Variants in NBPF14 observed in about 807,000 individuals in gnomAD.
The protein encoded by NBPF14 is NBPF family member NBPF14.
A neutral mutation model predicts 91.2 loss-of-function variants in NBPF14; 104 were observed. The observed-to-expected ratio is 1.14, with a 90% CI of 0.97 to 1.34. The LOEUF (loss-of-function observed/expected upper bound fraction) is 1.34. Among genes scored for constraint, NBPF14 ranks in the 40% most tolerant of loss-of-function variants. NBPF14 has a pLI of 0.00. For missense variants in NBPF14, 908 were observed against 783.0 expected, an observed-to-expected ratio of 1.16 and a Z score of -1.91; for synonymous variants, 294 against 303.8, an observed-to-expected ratio of 0.97 and a Z score of 0.34.
exon 17 of NBPF14, chr1:148,575,787 C>T (rs1659582011): frequency 1.7e-5 from 5 of 302,816 alleles, no homozygotes; most frequent in African/African-American, 1.9e-4. Flanking sequence ...CAGGCTCTTT[C>T]TCATCCAGCA....
At chr1:148,559,658 T>A in intron 37 of NBPF14, 135 bp downstream of exon 37, 1 of 602,650 alleles carries the variant, frequency 1.7e-6, no homozygotes, top group Non-Finnish European at 2.8e-6. Context: ...AGAGTTTCAT[T>A]CAACCTACAT....
At chr1:148,580,948 C>T (rs1660819111) in intron 12 of NBPF14, among the ~76,000 whole-genome samples, 1 of 98,604 alleles carries the variant, frequency 1.0e-5, no homozygotes, top group African/African-American at 4.3e-5. Context: ...CATTGGTGTG[C>T]TTCACCCATT....
At chr1:148,561,782 C>CAT (rs1241797523) in intron 34 of NBPF14, among the ~76,000 whole-genome samples, 5 of 119,658 alleles carry the variant, frequency 4.2e-5, no homozygotes, top group Admixed American at 3.9e-4. Context: ...GATAGACACA[C>CAT]ACACACACAC....
At position 148,566,549 on chromosome 1, in the gene NBPF14, A is replaced by G. The variant is rs1290758071; in HGVS notation, c.3543-234T>C. On this transcript the variant is annotated intron_variant, in intron 28 of 70. Transcript: ENST00000619423. The stretch of plus-strand genomic sequence containing the variant: ...CACACACACACACACACAAACACAC[A>G]CACACACACAGAGAACGAGCTCAGT... Among the ~76,000 whole-genome samples the G allele has an allele frequency of 1.4e-5, 2 of 144,000 alleles. 1 individual carries two copies. Among genetic ancestry groups the G allele is most frequent in the African/African-American group, 5.0e-5 (2 of 40,030 alleles). The allele number at this position is 144,000 out of a possible 152,430, so 94.5% of individuals were successfully genotyped here.
At chr1:148,577,530 G>T (rs1269535820) in intron 14 of NBPF14, among the ~76,000 whole-genome samples, 175 bp from the exon 15 acceptor site, 1 of 143,842 alleles carries the variant, frequency 7.0e-6, no homozygotes. Context: ...GGTAGAAAAG[G>T]ATGAACGAGA....
chr1:148,557,055 G>A (rs1284187352), intron 40 of NBPF14, among the ~76,000 whole-genome samples, 193 bp from the exon 41 acceptor site: 1 of 121,220 alleles, frequency 8.2e-6, no homozygotes. Flanking sequence ...GAGAAAGACA[G>A]ATAGACACAC....
At chr1:148,587,463 G>C in intron 7 of NBPF14, 60 bp from the exon 8 acceptor site, 1 of 1,496,672 alleles carries the variant, frequency 6.7e-7, no homozygotes, top group East Asian at 2.2e-5. Flanking sequence ...TGTGGTCATT[G>C]CCTACAGGAC....
At chr1:148,536,586 C>CAGACAGAGACAGAGACAG (rs1461659646) in intron 66 of NBPF14, among the ~76,000 whole-genome samples, 190 bp from the exon 67 acceptor site, 1 of 67,592 alleles carries the variant, frequency 1.5e-5, no homozygotes, top group Non-Finnish European at 2.7e-5. Flanking sequence ...AAGAGAAAGA[C>CAGACAGAGACAGAGACAG]AGACAGAGAC....
At chr1:148,561,900 C>G (rs1429492873) in intron 34 of NBPF14, among the ~76,000 whole-genome samples, 14 of 129,624 alleles carry the variant, frequency 1.1e-4, no homozygotes, top group Admixed American at 8.0e-4. Context: ...TAACAGGACA[C>G]TCTGAGTTAG....
At chr1:148,534,642 A>G (rs1245744167) in intron 69 of NBPF14, 42 bp downstream of exon 69, 3 of 874,398 alleles carry the variant, frequency 3.4e-6, no homozygotes, top group Non-Finnish European at 3.9e-6. Flanking sequence ...CCTATCTGGA[A>G]GACCAGGTGG....
At chr1:148,577,012 C>T (rs1346900616) in intron 15 of NBPF14, among the ~76,000 whole-genome samples, 171 bp downstream of exon 15, 4 of 145,978 alleles carry the variant, frequency 2.7e-5, no homozygotes, top group African/African-American at 1.0e-4. Flanking sequence ...CTGACCCATC[C>T]CTTGTCTGGG....
intron 6 of NBPF14, among the ~76,000 whole-genome samples, chr1:148,590,256 A>G (rs1662264003): frequency 7.6e-6 from 1 of 132,442 alleles, no homozygotes. Flanking sequence ...ATGGGGTTTC[A>G]CCGTGTTAGC....
chr1:148,534,955 G>T lies in NBPF14; in HGVS notation c.8442-99C>A, dbSNP rs1393895610. Reference sequence around the variant, plus strand: ...GCTAACATAAGGAACAGTTTAAAAAGAAAAAGGACAGATCCATTAATGAGG... The same window carrying T: ...GCTAACATAAGGAACAGTTTAAAAATAAAAAGGACAGATCCATTAATGAGG... On this transcript the variant is annotated intron_variant, in intron 68 of 70. Transcript: ENST00000619423. The T allele has an allele frequency of 6.7e-6, 5 of 744,294 alleles. No homozygotes were observed. In the South Asian group the frequency reaches 7.1e-5, roughly 11 times the overall value. 46.1% of individuals were successfully genotyped at this position (744,294 alleles called of 1,614,324 possible).
At chr1:148,534,624 A>G (rs1330637321) in intron 69 of NBPF14, 60 bp downstream of exon 69, 1 of 903,128 alleles carries the variant, frequency 1.1e-6, no homozygotes, top group Non-Finnish European at 1.9e-6. Flanking sequence ...TGGAATAGGA[A>G]TATCACCCCT....
intron 16 of NBPF14, among the ~76,000 whole-genome samples, 199 bp from the exon 17 acceptor site, chr1:148,576,010 G>GAA (rs1659636213): frequency 6.8e-6 from 1 of 146,542 alleles, no homozygotes; most frequent in Admixed American, 6.8e-5. Flanking sequence ...ACAGGGAGAG[G>GAA]GAGAGAGAGA....
intron 31 of NBPF14, among the ~76,000 whole-genome samples, 165 bp downstream of exon 31, chr1:148,564,374 C>T (rs1658095033): frequency 1.4e-5 from 1 of 74,050 alleles, no homozygotes; most frequent in African/African-American, 6.7e-5. Context: ...CATCCCTTGT[C>T]TGGGCTTCCA....
chr1:148,560,092 A>G, intron 36 of NBPF14, 127 bp from the exon 37 acceptor site: 1 of 672,972 alleles, frequency 1.5e-6, no homozygotes, highest in Non-Finnish European at 2.7e-6. Context: ...TAATGAGGTA[A>G]CAAATTATTG....
chr1:148,577,632 G>T (rs1167159101), intron 14 of NBPF14, among the ~76,000 whole-genome samples: 1 of 149,460 alleles, frequency 6.7e-6, no homozygotes, highest in Admixed American at 6.6e-5. Flanking sequence ...ACTGATGAGG[G>T]AGTCAAAGGA....
At chr1:148,535,487 C>T (rs1654965751) in exon 68 of NBPF14, 10 of 453,402 alleles carry the variant, frequency 2.2e-5, no homozygotes, top group South Asian at 1.9e-4. Flanking sequence ...TCTTCCACTT[C>T]TTGGTACTTT....
Sources: gnomAD v4.1 joint callset for allele counts (sites outside exome capture counted in the v4.1 genomes callset) on GRCh38, gnomAD v4.1.1 for gene constraint, MANE v1.5 for transcripts, NCBI Gene and HGNC (gene_info 2026-07-23, HGNC 2026-07-21) for gene names.